The following NCALD variants were observed in gnomAD, a reference collection of about 807,000 sequenced individuals.
The protein encoded by NCALD is neurocalcin delta.
In NCALD, 10 loss-of-function variants were observed where a neutral mutation model predicts 18.6. The ratio of observed to expected loss-of-function variants is 0.54; its 90% CI spans 0.33 to 0.91. The LOEUF (loss-of-function observed/expected upper bound fraction) is 0.91. NCALD is among the 40% of genes least tolerant of loss of function. The probability of loss-of-function intolerance (pLI) is 0.03; values close to 1 mark genes in which losing one functional copy is unlikely to be tolerated. For synonymous variants in NCALD, 88 were observed against 87.4 expected (o/e 1.01, Z -0.04); for missense variants, 184 against 247.6 (o/e 0.74, Z 1.72).
At chr8:102,039,858 C>T (rs1822988838) in intron 1 of NCALD, among the ~76,000 whole-genome samples, 2 of 152,090 alleles carry the variant, frequency 1.3e-5, no homozygotes, top group Non-Finnish European at 2.9e-5. Context: ...GCACACTACC[C>T]ACCCCCAAAC....
chr8:101,696,108 G>A (rs1447599792), intron 2 of NCALD, among the ~76,000 whole-genome samples: 2 of 152,012 alleles, frequency 1.3e-5, no homozygotes, highest in Non-Finnish European at 2.9e-5. Context: ...CATTGCAGAC[G>A]ATCTCAGAGG....
Position 101,890,810 on chromosome 8 carries a change from C to T in NCALD, c.-106-3583G>A, listed in dbSNP as rs1586701017. Among the ~76,000 whole-genome samples the T allele has an allele frequency of 2.0e-5, 3 of 152,226 alleles. No individual in the cohort carries two copies. The South Asian group carries it at 6.2e-4, about 32-fold the overall frequency. Reference sequence around the variant, plus strand: ...TTATAGCAGTACAGACAGACTGAGACATCCAGAGAAACTCTTGCACACTTT... The same window carrying T: ...TTATAGCAGTACAGACAGACTGAGATATCCAGAGAAACTCTTGCACACTTT... On this transcript the variant is annotated intron_variant, in intron 3 of 6. Coordinates refer to the NCALD transcript ENST00000311028.
intron 2 of NCALD, among the ~76,000 whole-genome samples, chr8:101,973,190 T>C (rs1586850805): frequency 6.6e-6 from 1 of 152,182 alleles, no homozygotes; most frequent in South Asian, 2.1e-4. Context: ...CAGATTTCCT[T>C]AGTGTTTACT....
At chr8:101,954,547 G>C (rs958925547) in intron 2 of NCALD, among the ~76,000 whole-genome samples, 34 of 152,044 alleles carry the variant, frequency 2.2e-4, no homozygotes, top group Admixed American at 2.1e-3. Context: ...TCTTTCAATC[G>C]AAAGGATGAC....
At chr8:102,059,900 A>G (rs1370609173) in intron 1 of NCALD, among the ~76,000 whole-genome samples, 1 of 152,218 alleles carries the variant, frequency 6.6e-6, no homozygotes, top group African/African-American at 2.4e-5. Flanking sequence ...CACAGCTGCC[A>G]GGGGGCCTAC....
At chr8:101,950,051 C>T (rs1436991246) in intron 2 of NCALD, among the ~76,000 whole-genome samples, 3 of 152,152 alleles carry the variant, frequency 2.0e-5, no homozygotes, top group Admixed American at 6.5e-5. Flanking sequence ...ATCATTTAGA[C>T]GTCAAGAAAG....
At chr8:102,090,984 A>G (rs1022996247) in intron 1 of NCALD, among the ~76,000 whole-genome samples, 1 of 152,206 alleles carries the variant, frequency 6.6e-6, no homozygotes, top group South Asian at 2.1e-4. Context: ...AACCGTGTAC[A>G]GGGTTCCTGA....
At chr8:102,087,442 T>C (rs1396355137) in intron 1 of NCALD, among the ~76,000 whole-genome samples, 1 of 151,964 alleles carries the variant, frequency 6.6e-6, no homozygotes, top group East Asian at 1.9e-4. Flanking sequence ...AGGTAAAGGA[T>C]GGGATTGGGT....
chr8:102,006,267 C>G (rs1472722339), intron 2 of NCALD, among the ~76,000 whole-genome samples: 2 of 151,892 alleles, frequency 1.3e-5, no homozygotes, highest in Non-Finnish European at 1.5e-5. Flanking sequence ...AGTTGACAAG[C>G]TGTACAGTTT....
At chr8:102,065,256 C>A in intron 1 of NCALD, among the ~76,000 whole-genome samples, 1 of 148,998 alleles carries the variant, frequency 6.7e-6, no homozygotes, top group East Asian at 2.0e-4. Context: ...AGTGAAGGCT[C>A]TTTTTTTTTT....
At chr8:101,841,129 C>G (rs1440639223) in intron 4 of NCALD, among the ~76,000 whole-genome samples, 4 of 152,088 alleles carry the variant, frequency 2.6e-5, no homozygotes, top group Admixed American at 2.6e-4. Flanking sequence ...CAAATAATCA[C>G]TTTTCATCTC....
chr8:101,956,615 GAC>G (rs1454663260), intron 2 of NCALD, among the ~76,000 whole-genome samples: 1 of 151,956 alleles, frequency 6.6e-6, no homozygotes, highest in Admixed American at 6.6e-5. Context: ...GAGAGAGACA[GAC>G]ACAGAGAGAG....
intron 1 of NCALD, among the ~76,000 whole-genome samples, chr8:101,725,501 T>C (rs115726851): frequency 0.016 from 2,429 of 152,296 alleles, 59 homozygotes; most frequent in African/African-American, 0.056. Flanking sequence ...TCTTCCTGGA[T>C]GCCAAACAAG....
In NCALD at chr8:101,971,828, T is replaced by C. The variant is rs554308103; in HGVS notation, c.-157+48409A>G. On this transcript the variant is annotated intron_variant, in intron 2 of 6. Transcript: ENST00000311028. ...ACTGACCTGGCCTCTTGACTCTATT[T>C]TTATTTACCTGGCTGCCCACCTAAC... is the stretch of plus-strand genomic sequence containing the variant. Among the ~76,000 whole-genome samples the C allele has an allele frequency of 6.6e-5, 10 of 152,300 alleles. 1 individual carries two copies. The South Asian group carries it at 2.1e-3, about 32-fold the overall frequency.
At chr8:101,779,830 T>C (rs938109521) in intron 1 of NCALD, 1 of 152,192 alleles carries the variant, frequency 6.6e-6, no homozygotes, top group Non-Finnish European at 1.5e-5. Flanking sequence ...GTACTCATTA[T>C]GAAACAATGT....
At chr8:102,069,661 C>T (rs1587013032) in intron 1 of NCALD, among the ~76,000 whole-genome samples, 1 of 152,144 alleles carries the variant, frequency 6.6e-6, no homozygotes, top group Admixed American at 6.5e-5. Context: ...ATTTTATGGG[C>T]ATGTGTGTGC....
At chr8:101,839,238 C>T (rs55732405) in intron 4 of NCALD, among the ~76,000 whole-genome samples, 1,633 of 151,568 alleles carry the variant, frequency 0.011, 36 homozygotes, top group African/African-American at 0.037. Flanking sequence ...TTGTTGGCAT[C>T]GGGGAGAGAG....
chr8:102,001,811 C>T (rs1821483378), intron 2 of NCALD, among the ~76,000 whole-genome samples: 1 of 152,176 alleles, frequency 6.6e-6, no homozygotes, highest in Non-Finnish European at 1.5e-5. Context: ...AAATACTTTA[C>T]AGACAAGCAA....
In NCALD at chr8:102,046,798, T is replaced by C. The variant is rs1449304740; in HGVS notation, c.-209-26509A>G. 6.9e-5 allele frequency among the ~76,000 whole-genome samples: 5 copies of C among 72,068 alleles called. 1 individual carries two copies. The highest frequency in any genetic ancestry group is 1.6e-4 in the Non-Finnish European group (4 of 25,302). 47.3% of individuals were successfully genotyped at this position (72,068 alleles called of 152,430 possible). ...CTGGCTCACAATGAGTTTTTTTTCC[T>C]TTTTTTTTTTTTTGAACTTTTATTT... On this transcript the variant is annotated intron_variant, in intron 1 of 6. Coordinates refer to the NCALD transcript ENST00000311028.
Sources: allele counts gnomAD v4.1 joint callset (sites outside exome capture counted in the v4.1 genomes callset), GRCh38; gene constraint gnomAD v4.1.1; transcripts MANE v1.5; gene names NCBI Gene and HGNC (gene_info 2026-07-23, HGNC 2026-07-21).